Variants in FGFRL1 observed in about 807,000 individuals in gnomAD.
The protein encoded by FGFRL1 is fibroblast growth factor receptor-like 1.
Under a neutral mutation model 36.8 loss-of-function variants are expected in FGFRL1, and 24 were observed. The ratio of observed to expected loss-of-function variants is 0.65; its 90% CI spans 0.47 to 0.92. The LOEUF is 0.92. Among genes scored for constraint, FGFRL1 ranks in the 40% least tolerant of loss-of-function variants. The pLI is 0.00. For missense variants in FGFRL1, 785 were observed against 753.4 expected, an observed-to-expected ratio of 1.04 and a Z score of -0.49; for synonymous variants, 422 against 344.1, an observed-to-expected ratio of 1.23 and a Z score of -2.50.
At chr4:1,024,871 C>T (rs758813122) in intron 6 of FGFRL1, 34 bp from the exon 7 acceptor site, 2 of 1,550,260 alleles carry the variant, frequency 1.3e-6, no homozygotes, top group East Asian at 4.5e-5. Flanking sequence ...TGTCGGCGTT[C>T]CCCTCCCTAC....
rs896650292 is a variant in FGFRL1, at chr4:1,011,959, G to GCC, written c.-17+10_-17+11dup. The GCC allele has an allele frequency of 1.4e-5, 2 of 145,872 alleles. No homozygotes were observed. Among genetic ancestry groups the GCC allele is most frequent in the African/African-American group, 4.9e-5 (2 of 40,710 alleles). 9.0% of individuals were successfully genotyped at this position (145,872 alleles called of 1,614,324 possible). On this transcript the variant is annotated splice_donor_region_variant and intron_variant, in intron 1 of 6. Coordinates refer to ENST00000510644, the MANE Select transcript of FGFRL1 (RefSeq NM_001004356.3). ...CCCGCTGAGCCCCCCGCCGAGGTGA[G>GCC]CCCCCCGCGCGCGCGGCCGCGACCC...
Position 1,025,000 on chromosome 4 carries a change from A to T in FGFRL1, c.1168A>T (p.Ile390Phe). 6.2e-7 allele frequency: 1 copy of T among 1,610,852 alleles called. No individual in the cohort carries two copies. Among genetic ancestry groups the T allele is most frequent in the Non-Finnish European group, 8.5e-7 (1 of 1,179,686 alleles). ...VIGIPAGAVF[I>F]LGTLLLWLCQ... The stretch of plus-strand genomic sequence containing the variant: ...CGGCATCCCAGCCGGCGCTGTCTTC[A>T]TCCTGGGCACCCTGCTCCTGTGGCT... The change falls in exon 7 of 7, where the codon ATC becomes TTC. Residue 390 changes from isoleucine to phenylalanine, a missense_variant. Coordinates refer to ENST00000510644, the MANE Select transcript of FGFRL1 (RefSeq NM_001004356.3).
rs1238720595 is a variant in FGFRL1, at chr4:1,011,823, C to G, written c.-148C>G. 1 of 141,070 alleles carries G rather than the reference C, an allele frequency of 7.1e-6. No individual in the cohort carries two copies. The highest frequency in any genetic ancestry group is 2.7e-5 in the African/African-American group (1 of 37,208). 8.7% of individuals were successfully genotyped at this position (141,070 alleles called of 1,614,324 possible). A position where few individuals can be genotyped will look rare whatever the true frequency, so the allele number is the denominator to read the frequency against. On this transcript the variant is annotated 5_prime_UTR_variant, in exon 1 of 7. Coordinates refer to ENST00000510644, the MANE Select transcript of FGFRL1 (RefSeq NM_001004356.3). ...CCGAGCCGCCCGCGCCCAGGTAGCG[C>G]CGCCCCGCCCCGAGACCGGGCCCGG... is the stretch of plus-strand genomic sequence containing the variant.
At position 1,023,252 on chromosome 4, in the gene FGFRL1, C is replaced by A. The variant is rs991391424; in HGVS notation, c.353-389C>A. 9.9e-5 allele frequency among the ~76,000 whole-genome samples: 15 copies of A among 152,148 alleles called. No individual in the cohort carries two copies. Among genetic ancestry groups the A allele is most frequent in the African/African-American group, 3.4e-4 (14 of 41,518 alleles). On this transcript the variant is annotated intron_variant, in intron 3 of 6. Coordinates refer to ENST00000510644, the MANE Select transcript of FGFRL1 (RefSeq NM_001004356.3). This position sits in a 1 kb window ranked among gnomAD's most constrained non-coding sequence, Gnocchi z 6.0. ...CTGTCCCCCACCCCCACCCCACAGT[C>A]CTTTCAAAGGGGACGATGACCGGGT... is the stretch of plus-strand genomic sequence containing the variant.
chr4:1,011,451 G>T (rs935831938), upstream of FGFRL1, among the ~76,000 whole-genome samples: 4 of 145,640 alleles, frequency 2.7e-5, no homozygotes, highest in Non-Finnish European at 4.6e-5. Context: ...CCGCGGGGAC[G>T]TCCGCACCGC....
At position 1,012,635 on chromosome 4, in the gene FGFRL1, C is replaced by G. The variant is rs373359990; in HGVS notation, c.79+71C>G. ...CGCCCCCTTCCCGCCCGGCCCTGAA[C>G]CCTGCCACAGTGCCCGCCTGGCACG... On this transcript the variant is annotated intron_variant, in intron 2 of 6. Coordinates refer to ENST00000510644, the MANE Select transcript of FGFRL1 (RefSeq NM_001004356.3). The G allele has an allele frequency of 5.3e-5, 35 of 664,460 alleles. No individual in the cohort carries two copies. The East Asian group carries it at 1.2e-3, about 23-fold the overall frequency. 41.2% of individuals were successfully genotyped at this position (664,460 alleles called of 1,614,324 possible). A position where few individuals can be genotyped will look rare whatever the true frequency, so the allele number is the denominator to read the frequency against.
chr4:1,025,648 C>T lies in FGFRL1; in HGVS notation c.*301C>T, dbSNP rs751872526. The T allele has an allele frequency of 6.7e-5, 34 of 505,346 alleles. No individual in the cohort carries two copies. Among genetic ancestry groups the T allele is most frequent in the African/African-American group, 1.2e-4 (6 of 51,842 alleles). The allele number at this position is 505,346 out of a possible 1,614,324, so 31.3% of individuals were successfully genotyped here. Reference sequence around the variant, plus strand: ...GATAAGCTGCCCAAATGCACGCACACGCACAGAGACATGCCAGAACATACA... The same window carrying T: ...GATAAGCTGCCCAAATGCACGCACATGCACAGAGACATGCCAGAACATACA... On this transcript the variant is annotated 3_prime_UTR_variant, in exon 7 of 7. Coordinates refer to ENST00000510644, the MANE Select transcript of FGFRL1 (RefSeq NM_001004356.3).
intron 1 of FGFRL1, 30 bp downstream of exon 1, chr4:1,011,984 C>T (rs1032718321): frequency 6.8e-6 from 1 of 146,394 alleles, no homozygotes; most frequent in African/African-American, 2.5e-5. Context: ...GGCCGCGACC[C>T]CAGGTGGGCA....
rs562851576 is a variant in FGFRL1, at chr4:1,014,030, G to A, written c.79+1466G>A. Among the ~76,000 whole-genome samples the A allele has an allele frequency of 1.5e-3, 235 of 152,356 alleles. 1 individual carries two copies. The highest frequency in any genetic ancestry group is 5.5e-3 in the African/African-American group (229 of 41,592). On this transcript the variant is annotated intron_variant, in intron 2 of 6. Transcript: ENST00000510644. ...GGAGGAGGTTCTTCCGGACTGTGCT[G>A]ATTTTCCTAGCGTGGACTAGGGCGC...
chr4:1,018,999 C>A (rs62294559), intron 2 of FGFRL1, among the ~76,000 whole-genome samples: 2 of 152,168 alleles, frequency 1.3e-5, no homozygotes, highest in African/African-American at 4.8e-5. Flanking sequence ...GCTTGCAGGC[C>A]GGCCCTGGGG....
rs771187237 is a variant in FGFRL1 at position 1,025,269 on chromosome 4, C to T, written c.1437C>T (p.His479=). The change falls in exon 7 of 7, where the codon CAC becomes CAT. Residue 479 remains histidine (H), a synonymous_variant. Coordinates refer to ENST00000510644, the MANE Select transcript of FGFRL1 (RefSeq NM_001004356.3). Reference sequence around the variant, plus strand: ...ACCCCAAACTCTACACAGACATCCACACACACACACACACACACTCTCACA... The same window carrying T: ...ACCCCAAACTCTACACAGACATCCATACACACACACACACACACTCTCACA... ...KLYPKLYTDI[H]THTHTHSHTH... is the part of the protein sequence containing the mutation. The T allele has an allele frequency of 1.0e-5, 14 of 1,350,688 alleles. No homozygotes were observed. The East Asian group carries it at 2.7e-4, about 26-fold the overall frequency. 83.7% of individuals were successfully genotyped at this position (1,350,688 alleles called of 1,614,324 possible). A position where few individuals can be genotyped will look rare whatever the true frequency, so the allele number is the denominator to read the frequency against.
chr4:1,010,861 G>A (rs1401878213), upstream of FGFRL1: 2 of 152,280 alleles, frequency 1.3e-5, no homozygotes, highest in Admixed American at 6.5e-5. Flanking sequence ...CCCGGTAGCG[G>A]AGATTGAATC....
Position 1,026,193 on chromosome 4 carries a change from C to A in FGFRL1, c.*846C>A, listed in dbSNP as rs951822931. ...CACAGATATGCTGTCTGGACATGCA[C>A]ACACGTGCAGATATGCTGTCCGGAT... On this transcript the variant is annotated 3_prime_UTR_variant, in exon 7 of 7. Coordinates refer to ENST00000510644, the MANE Select transcript of FGFRL1 (RefSeq NM_001004356.3). 6.4e-6 allele frequency: 1 copy of A among 155,772 alleles called. No homozygotes were observed. The highest frequency in any genetic ancestry group is 1.4e-5 in the Non-Finnish European group (1 of 70,420). 9.6% of individuals were successfully genotyped at this position (155,772 alleles called of 1,614,324 possible).
At position 1,013,125 on chromosome 4, in the gene FGFRL1, C is replaced by G. The variant is rs143614383; in HGVS notation, c.79+561C>G. ...CCGGGCGGTTGTGTGGACAAGTCCC[C>G]AGAGCCGTGACGCACCCCAGGACTG... On this transcript the variant is annotated intron_variant, in intron 2 of 6. Transcript: ENST00000510644. Among the ~76,000 whole-genome samples, 659 of 152,342 alleles carry G rather than the reference C, an allele frequency of 4.3e-3. 3 individuals carry two copies. In the Middle Eastern group the frequency reaches 0.048, roughly 11 times the overall value.
chr4:1,025,777 T>C lies in FGFRL1; in HGVS notation c.*430T>C, dbSNP rs1393814132. 1 of 236,292 alleles carries C rather than the reference T, an allele frequency of 4.2e-6. No individual in the cohort carries two copies. The highest frequency in any genetic ancestry group is 2.8e-5 in the African/African-American group (1 of 36,300). 14.6% of individuals were successfully genotyped at this position (236,292 alleles called of 1,614,324 possible). Reference sequence around the variant, plus strand: ...CTGTCTGGACGCACACACGTGCAGATATGGTATCCGGACACACACGTGCAC... The same window carrying C: ...CTGTCTGGACGCACACACGTGCAGACATGGTATCCGGACACACACGTGCAC... On this transcript the variant is annotated 3_prime_UTR_variant, in exon 7 of 7. Coordinates refer to ENST00000510644, the MANE Select transcript of FGFRL1 (RefSeq NM_001004356.3).
At chr4:1,017,607 C>T (rs561431990) in intron 2 of FGFRL1, among the ~76,000 whole-genome samples, 6 of 152,332 alleles carry the variant, frequency 3.9e-5, no homozygotes, top group East Asian at 1.9e-4. Context: ...GCTGTAGAGG[C>T]GTCCTGGGAG....
In FGFRL1 at chr4:1,022,169, CTCCTCGCTGACTGT is replaced by C. The variant is rs1560562731; in HGVS notation, c.80-27_80-14del. 36 of 1,482,144 alleles carry C rather than the reference CTCCTCGCTGACTGT, an allele frequency of 2.4e-5. No homozygotes were observed. Among genetic ancestry groups the C allele is most frequent in the Non-Finnish European group, 3.2e-5 (36 of 1,114,508 alleles). 91.8% of individuals were successfully genotyped at this position (1,482,144 alleles called of 1,614,324 possible). A position where few individuals can be genotyped will look rare whatever the true frequency, so the allele number is the denominator to read the frequency against. On this transcript the variant is annotated intron_variant, in intron 2 of 6. Transcript: ENST00000510644. ...CCCCCCGGCTCCGGACCCCAAGCCC[CTCCTCGCTGACTGT>C]TCCTCGGTCCCACCCGCAGGCCCCC...
chr4:1,015,889 C>T (rs1288228097), intron 2 of FGFRL1, among the ~76,000 whole-genome samples: 1 of 152,244 alleles, frequency 6.6e-6, no homozygotes, highest in African/African-American at 2.4e-5. Context: ...GCCCTGTTCC[C>T]AGTGGTGACT....
chr4:1,024,234 G>C lies in FGFRL1; in HGVS notation c.719-77G>C, dbSNP rs538143852. 115 of 1,460,560 alleles carry C rather than the reference G, an allele frequency of 7.9e-5. 1 individual carries two copies. In the East Asian group the frequency reaches 2.2e-3, roughly 28 times the overall value. The allele number at this position is 1,460,560 out of a possible 1,614,324, so 90.5% of individuals were successfully genotyped here. A position where few individuals can be genotyped will look rare whatever the true frequency, so the allele number is the denominator to read the frequency against. Reference sequence around the variant, plus strand: ...GGCTTGGGGGTGGTGGGCTGGGGGTGCTGGTGGGCCCAGGGTGCTGGCGGG... The same window carrying C: ...GGCTTGGGGGTGGTGGGCTGGGGGTCCTGGTGGGCCCAGGGTGCTGGCGGG... On this transcript the variant is annotated intron_variant, in intron 5 of 6. Coordinates refer to ENST00000510644, the MANE Select transcript of FGFRL1 (RefSeq NM_001004356.3).
Sources: gnomAD v4.1 joint callset for allele counts (sites outside exome capture counted in the v4.1 genomes callset) on GRCh38, gnomAD v4.1.1 for gene constraint, Gnocchi (gnomAD v3.1) non-coding constraint, MANE v1.5 for transcripts, NCBI Gene and HGNC (gene_info 2026-07-23, HGNC 2026-07-21) for gene names.